Variants in VWA2 observed in about 807,000 individuals in gnomAD.
VWA2 encodes the protein von Willebrand factor A domain-containing protein 2.
A neutral mutation model predicts 70.4 loss-of-function variants in VWA2; 73 were observed. That is an observed-to-expected ratio of 1.04 (90% CI 0.86 to 1.26). The LOEUF is 1.26. Ranked by LOEUF, VWA2 falls within the 50% of genes most tolerant of loss-of-function variation. The probability of loss-of-function intolerance (pLI) is 0.00; values close to 1 mark genes in which losing one functional copy is unlikely to be tolerated. For missense variants in VWA2, 1,011 were observed against 998.5 expected (o/e 1.01, Z -0.17); for synonymous variants, 407 against 423.3 (o/e 0.96, Z 0.47).
intron 2 of VWA2, 145 bp from the exon 3 acceptor site, chr10:114,253,506 G>T (rs950495553): frequency 5.7e-6 from 4 of 699,468 alleles, no homozygotes; most frequent in Non-Finnish European, 9.9e-6. Context: ...TATCCGTCTG[G>T]TAATTTTTGA....
chr10:114,288,058 T>A (rs2039124780), intron 11 of VWA2, among the ~76,000 whole-genome samples: 1 of 152,132 alleles, frequency 6.6e-6, no homozygotes, highest in Admixed American at 6.5e-5. Flanking sequence ...TTTCCAGTGG[T>A]TCCCCTTTGC....
In VWA2 at chr10:114,288,999, C is replaced by T. The variant is rs34757551; in HGVS notation, c.1632C>T (p.Pro544=). The T allele has an allele frequency of 1.2e-3, 1,999 of 1,614,114 alleles. 17 individuals carry two copies. The African/African-American group carries it at 0.024, about 19-fold the overall frequency. ...TGGACACCTCTGCCTCAGTAGGGCC[C>T]GAGAATTTTGCTCAGATGCAGAGCT... ...FMLDTSASVG[P]ENFAQMQSFV... Residue 544 remains proline (P), a synonymous_variant, in exon 12 of 14, where the codon CCC becomes CCT. Coordinates refer to ENST00000392982, the MANE Select transcript of VWA2 (RefSeq NM_001272046.2).
intron 2 of VWA2, among the ~76,000 whole-genome samples, chr10:114,251,032 C>T (rs2133294909): frequency 6.6e-6 from 1 of 152,364 alleles, no homozygotes; most frequent in African/African-American, 2.4e-5. Context: ...TACTCCTGGG[C>T]TGGCTGTACC....
intron 1 of VWA2, among the ~76,000 whole-genome samples, chr10:114,245,484 C>T (rs2037049786): frequency 6.6e-6 from 1 of 152,194 alleles, no homozygotes; most frequent in African/African-American, 2.4e-5. Context: ...GTAAAATCGT[C>T]CTGAACCTAA....
chr10:114,286,218 T>C lies in VWA2; in HGVS notation c.1277T>C (p.Leu426Ser), dbSNP rs1564741536. ...RGGPTLTGSA[L>S]RQAAERGFGS... is the part of the protein sequence containing the mutation. ...GGCCCCACCCTGACGGGCAGTGCCT[T>C]GCGGCAGGCGGCAGAGCGTGGCTTC... is the stretch of plus-strand genomic sequence containing the variant. Residue 426 changes from leucine to serine, a missense_variant, in exon 11 of 14, where the codon TTG becomes TCG. Transcript: ENST00000392982. 1 of 1,613,752 alleles carries C rather than the reference T, an allele frequency of 6.2e-7. No homozygotes were observed. The highest frequency in any genetic ancestry group is 8.5e-7 in the Non-Finnish European group (1 of 1,179,914).
chr10:114,246,077 C>T, intron 1 of VWA2: 2 of 464,186 alleles, frequency 4.3e-6, no homozygotes, highest in South Asian at 3.2e-5. Flanking sequence ...CCGCCCCCCG[C>T]CCAAGATGAT....
Position 114,292,104 on chromosome 10 carries a change from T to C in VWA2, c.*867T>C, listed in dbSNP as rs185004005. ...CCAGCCTGGCCAACGTGGTGAAAGT[T>C]TGTCTTTACTAAAAATACAAAAGGT... On this transcript the variant is annotated 3_prime_UTR_variant, in exon 14 of 14. Coordinates refer to ENST00000392982, the MANE Select transcript of VWA2 (RefSeq NM_001272046.2). Among the ~76,000 whole-genome samples the C allele has an allele frequency of 6.6e-6, 1 of 152,096 alleles. No individual in the cohort carries two copies. Among genetic ancestry groups the C allele is most frequent in the East Asian group, 1.9e-4 (1 of 5,164 alleles).
At chr10:114,289,838 G>T in intron 12 of VWA2, 1 of 371,800 alleles carries the variant, frequency 2.7e-6, no homozygotes, top group Non-Finnish European at 5.0e-6. Flanking sequence ...AGAGCCCAGA[G>T]CAAACAGGGC....
chr10:114,244,368 T>C (rs1260334684), intron 1 of VWA2, among the ~76,000 whole-genome samples: 1 of 152,198 alleles, frequency 6.6e-6, no homozygotes, highest in Non-Finnish European at 1.5e-5. Context: ...CTGTGGCAGC[T>C]TCCCCCAGAA....
Position 114,254,971 on chromosome 10 carries a change from G to A in VWA2, c.184G>A (p.Val62Ile), listed in dbSNP as rs200437097. ...IMFLLDGSNSVGKGSFERSKH... is the reference protein window; with the variant it reads ...IMFLLDGSNSIGKGSFERSKH... ...GTTTCTGTTAGATGGGTCTAACAGCGTCGGGAAAGGGAGCTTTGAAAGGTC... is the reference window on the plus strand; with the variant it reads ...GTTTCTGTTAGATGGGTCTAACAGCATCGGGAAAGGGAGCTTTGAAAGGTC... Residue 62 changes from valine to isoleucine, a missense_variant, in exon 4 of 14, where the codon GTC (valine) becomes ATC (isoleucine). Val to Ile is a conservative substitution (Grantham distance 29). Transcript: ENST00000392982. 9.9e-6 allele frequency: 16 copies of A among 1,613,312 alleles called. No individual in the cohort carries two copies. The highest frequency in any genetic ancestry group is 3.3e-5 in the South Asian group (3 of 91,084).
intron 13 of VWA2, 66 bp downstream of exon 13, chr10:114,290,431 C>A: frequency 6.5e-7 from 1 of 1,534,776 alleles, no homozygotes; most frequent in Non-Finnish European, 8.8e-7. Flanking sequence ...CCAAGTCCCA[C>A]AAACTCAGCT....
intron 2 of VWA2, among the ~76,000 whole-genome samples, chr10:114,249,255 T>TTTTA (rs776291694): frequency 5.3e-5 from 8 of 151,980 alleles, no homozygotes; most frequent in South Asian, 2.1e-4. Context: ...CTCCCACTTA[T>TTTTA]TTTATTTATT....
intron 9 of VWA2, among the ~76,000 whole-genome samples, chr10:114,284,140 G>A (rs2038552458): frequency 6.6e-6 from 1 of 152,216 alleles, no homozygotes; most frequent in Non-Finnish European, 1.5e-5. Context: ...TAGATCAGAC[G>A]CTTCAGAATG....
At chr10:114,245,729 G>A (rs182399917) in intron 1 of VWA2, among the ~76,000 whole-genome samples, 120 of 152,292 alleles carry the variant, frequency 7.9e-4, no homozygotes, top group Non-Finnish European at 1.4e-3. Flanking sequence ...CCCTTTGATC[G>A]TGTCTGTAGA....
Position 114,248,765 on chromosome 10 carries a change from G to A in VWA2, c.52G>A (p.Val18Met), listed in dbSNP as rs754965928. The change falls in exon 2 of 14, where the codon GTG becomes ATG. Residue 18 changes from valine to methionine, a missense_variant and splice_region_variant. Val to Met is a conservative substitution (Grantham distance 21). Coordinates refer to ENST00000392982, the MANE Select transcript of VWA2 (RefSeq NM_001272046.2). The part of the protein sequence containing the change: ...EAVCVFLFSR[V>M]PPSLPLQEVH... ...CGTCTGTGTTTTCCTGTTTTCCAGA[G>A]GTAAGATGTGTTTATTGGTGGTGGG... 2.5e-6 allele frequency: 4 copies of A among 1,613,554 alleles called. No individual in the cohort carries two copies. In the Admixed American group the frequency reaches 6.7e-5, roughly 27 times the overall value.
chr10:114,279,847 G>A lies in VWA2; in HGVS notation c.833+996G>A, dbSNP rs147354109. Among the ~76,000 whole-genome samples, 640 of 152,298 alleles carry A rather than the reference G, an allele frequency of 4.2e-3. 2 individuals are homozygous for A. The highest frequency in any genetic ancestry group is 7.6e-3 in the Admixed American group (116 of 15,292). On this transcript the variant is annotated intron_variant, in intron 8 of 13. Coordinates refer to ENST00000392982, the MANE Select transcript of VWA2 (RefSeq NM_001272046.2). ...CAGCGGCCACCCTGAGGCATCCTAG[G>A]TGTTGGGATGGAGTCTGTCCTCTCT...
chr10:114,277,198 T>C lies in VWA2; in HGVS notation c.567-716T>C, dbSNP rs866842808. On this transcript the variant is annotated intron_variant, in intron 6 of 13. Transcript: ENST00000392982. The stretch of plus-strand genomic sequence containing the variant: ...TTTTTTTTTTTTTTTTTTTTTTTTT[T>C]CTGGAGACAGACTCTCACTCTGTTG... 1.1e-4 allele frequency among the ~76,000 whole-genome samples: 16 copies of C among 143,578 alleles called. No homozygotes were observed. In the East Asian group the frequency reaches 1.6e-3, roughly 15 times the overall value. The allele number at this position is 143,578 out of a possible 152,430, so 94.2% of individuals were successfully genotyped here.
intron 3 of VWA2, 60 bp downstream of exon 3, chr10:114,253,785 G>A: frequency 1.4e-6 from 2 of 1,461,932 alleles, no homozygotes; most frequent in Non-Finnish European, 1.9e-6. Flanking sequence ...GTGATGGACT[G>A]GATGAGAACC....
rs1424588375 is a variant in VWA2, at chr10:114,285,966, T to C, written c.1025T>C (p.Val342Ala). The part of the protein sequence containing the change: ...CALKLSLECR[V>A]DLLFLLDSSA... The stretch of plus-strand genomic sequence containing the variant: ...CTGAAGCTGAGCCTGGAATGCAGGG[T>C]CGACCTCCTCTTCCTGCTGGACAGC... The change falls in exon 11 of 14, where the codon GTC (valine) becomes GCC (alanine). Residue 342 changes from valine to alanine, a missense_variant. Coordinates refer to ENST00000392982, the MANE Select transcript of VWA2 (RefSeq NM_001272046.2). 6.8e-6 allele frequency: 11 copies of C among 1,606,850 alleles called. No individual in the cohort carries two copies. The highest frequency in any genetic ancestry group is 1.7e-4 in the Middle Eastern group (1 of 6,016).
Sources: gnomAD v4.1 joint callset for allele counts (sites outside exome capture counted in the v4.1 genomes callset) on GRCh38, gnomAD v4.1.1 for gene constraint, MANE v1.5 for transcripts, NCBI Gene and HGNC (gene_info 2026-07-23, HGNC 2026-07-21) for gene names.